Variants in PTCD3 observed in about 807,000 individuals in gnomAD.
The protein encoded by PTCD3 is small ribosomal subunit protein mS39.
A neutral mutation model predicts 101.9 loss-of-function variants in PTCD3; 89 were observed. The ratio of observed to expected loss-of-function variants is 0.87; its 90% CI spans 0.74 to 1.04. PTCD3 has a LOEUF of 1.04. Ranked by LOEUF, PTCD3 falls within the 50% of genes least tolerant of loss-of-function variation. The pLI is 0.00. For synonymous variants in PTCD3, 296 were observed against 278.5 expected (o/e 1.06, Z -0.63); for missense variants, 870 against 828.2 (o/e 1.05, Z -0.62).
At chr2:86,120,683 C>A (rs1263251624) in intron 7 of PTCD3, among the ~76,000 whole-genome samples, 1 of 152,094 alleles carries the variant, frequency 6.6e-6, no homozygotes, top group African/African-American at 2.4e-5. Flanking sequence ...TTGCTTGAGC[C>A]CAGGAGTTCA....
intron 1 of PTCD3, among the ~76,000 whole-genome samples, chr2:86,106,873 C>G (rs912472407): frequency 2.6e-5 from 4 of 152,114 alleles, no homozygotes; most frequent in African/African-American, 9.7e-5. Context: ...TATGACCTAT[C>G]TGTGTAATTT....
intron 4 of PTCD3, among the ~76,000 whole-genome samples, chr2:86,112,892 A>G (rs1674116137): frequency 6.6e-6 from 1 of 152,024 alleles, no homozygotes; most frequent in African/African-American, 2.4e-5. Flanking sequence ...GTTGAAATGT[A>G]TGTTCTTAGG....
chr2:86,129,136 C>T (rs1419448155), intron 14 of PTCD3, among the ~76,000 whole-genome samples: 2 of 152,164 alleles, frequency 1.3e-5, no homozygotes, highest in Non-Finnish European at 2.9e-5. Flanking sequence ...AACAGGTAAA[C>T]AGTTTCCATA....
At chr2:86,124,202 A>G (rs1412102983) in intron 9 of PTCD3, among the ~76,000 whole-genome samples, 1 of 152,222 alleles carries the variant, frequency 6.6e-6, no homozygotes, top group Non-Finnish European at 1.5e-5. Flanking sequence ...GTAATAACTT[A>G]ATTATATTGG....
Position 86,136,540 on chromosome 2 carries a change from A to G in PTCD3, c.1798A>G (p.Arg600Gly). Residue 600 changes from arginine (R) to glycine (G), a missense_variant, in exon 22 of 24, where the codon AGG becomes GGG. Coordinates refer to ENST00000254630, the MANE Select transcript of PTCD3 (RefSeq NM_017952.6). ...QEAWKMLGLF[R>G]KHNKIPRSEL... ...GAGCAGGAAAATGTTGGGGCTTTTC[A>G]GGAAGCATAATAAGATTCCTAGGTA... 6.2e-7 allele frequency: 1 copy of G among 1,612,666 alleles called. No individual in the cohort carries two copies. Among genetic ancestry groups the G allele is most frequent in the Non-Finnish European group, 8.5e-7 (1 of 1,178,652 alleles).
In PTCD3 at chr2:86,127,262, G is replaced by T. The variant is rs139033408; in HGVS notation, c.1053G>T (p.Ser351=). ...GAAGATTTCATGTGTTTGCAAGATC[G>T]CCAGCCTTACAGGTTTTACGTGAAA... ...CLRRFHVFAR[S]PALQVLREMK... The change falls in exon 13 of 24, where the codon TCG becomes TCT. Residue 351 remains serine, a synonymous_variant. Transcript: ENST00000254630. 5.2e-5 allele frequency: 84 copies of T among 1,613,920 alleles called. No homozygotes were observed. In the African/African-American group the frequency reaches 9.5e-4, roughly 18 times the overall value.
chr2:86,115,189 G>A (rs1199686834), intron 4 of PTCD3, among the ~76,000 whole-genome samples: 1 of 152,194 alleles, frequency 6.6e-6, no homozygotes, highest in Admixed American at 6.5e-5. Flanking sequence ...GGCCAGCCTT[G>A]GACGCAGACC....
intron 4 of PTCD3, among the ~76,000 whole-genome samples, chr2:86,114,451 G>C (rs973185254): frequency 6.6e-6 from 1 of 152,040 alleles, no homozygotes; most frequent in South Asian, 2.1e-4. Flanking sequence ...CCCCACGCCC[G>C]GCTAATTTTT....
chr2:86,125,347 GGAGCCTGATCTATT>G (rs1262845637), intron 10 of PTCD3, 94 bp from the exon 11 acceptor site: 1 of 1,236,510 alleles, frequency 8.1e-7, no homozygotes, highest in Non-Finnish European at 1.2e-6. Context: ...CATGAGAACA[GGAGCCTGATCTATT>G]GAGCCTGAGC....
intron 4 of PTCD3, among the ~76,000 whole-genome samples, chr2:86,114,236 A>C (rs772933770): frequency 1.3e-5 from 2 of 152,174 alleles, no homozygotes; most frequent in African/African-American, 2.4e-5. Context: ...CTGAGGTAGC[A>C]CTGAGAAGGG....
rs1405918967 is a variant in PTCD3 at position 86,121,517 on chromosome 2, G to T, written c.577G>T (p.Asp193Tyr). Residue 193 changes from aspartate (D) to tyrosine (Y), a missense_variant, in exon 8 of 24, where the codon GAT becomes TAT. By Grantham distance (160) the Asp-to-Tyr change is radical. Transcript: ENST00000254630. ...TCTTGAAACAACAAATAGTCTCTTGGATTTATTGTGTTACTATGGTGACCA... is the reference window on the plus strand; with the variant it reads ...TCTTGAAACAACAAATAGTCTCTTGTATTTATTGTGTTACTATGGTGACCA... ...VSLETTNSLL[D>Y]LLCYYGDQEP... is the part of the protein sequence containing the mutation. 12 of 1,609,930 alleles carry T rather than the reference G, an allele frequency of 7.5e-6. No individual in the cohort carries two copies. In the Admixed American group the frequency reaches 1.2e-4, roughly 16 times the overall value.
chr2:86,117,158 C>T lies in PTCD3; in HGVS notation c.413C>T (p.Pro138Leu), dbSNP rs113346311. 142 of 1,074,108 alleles carry T rather than the reference C, an allele frequency of 1.3e-4. No homozygotes were observed. The highest frequency in any genetic ancestry group is 1.3e-3 in the African/African-American group (82 of 64,206). The allele number at this position is 1,074,108 out of a possible 1,614,324, so 66.5% of individuals were successfully genotyped here. ...AAGGACATAGCTGAACCTCATATACCGGTAAGGAGAGGTAGTTACATTATT... is the reference window on the plus strand; with the variant it reads ...AAGGACATAGCTGAACCTCATATACTGGTAAGGAGAGGTAGTTACATTATT... ...FQKDIAEPHI[P>L]CLMPEYFEPQ... The change falls in exon 6 of 24, where the codon CCG becomes CTG. Residue 138 changes from proline to leucine, a missense_variant and splice_region_variant. Physicochemically the swap from Pro to Leu is moderately conservative, Grantham distance 98. Transcript: ENST00000254630.
chr2:86,106,269 C>G lies in PTCD3; in HGVS notation c.22C>G (p.Arg8Gly), dbSNP rs367702182. The G allele has an allele frequency of 3.1e-6, 5 of 1,614,014 alleles. No individual in the cohort carries two copies. In the African/African-American group the frequency reaches 4.0e-5, roughly 13 times the overall value. Residue 8 changes from arginine (R) to glycine (G), a missense_variant, in exon 1 of 24, where the codon CGC becomes GGC. Coordinates refer to ENST00000254630, the MANE Select transcript of PTCD3 (RefSeq NM_017952.6). MAVVSAV[R>G]WLGLRSRLGQ... ...AAAGATGGCGGTTGTATCTGCTGTT[C>G]GCTGGCTGGGCCTCCGCAGCAGGCT...
At position 86,133,268 on chromosome 2, in the gene PTCD3, C is replaced by T. The variant is rs551514500; in HGVS notation, c.1452+12C>T. On this transcript the variant is annotated intron_variant, in intron 18 of 23. Coordinates refer to ENST00000254630, the MANE Select transcript of PTCD3 (RefSeq NM_017952.6). ...ACCTGATACCTTCAGTAAGATGGTT[C>T]ATTACTTGTTATTTATCATTCTAGA... 179 of 1,613,958 alleles carry T rather than the reference C, an allele frequency of 1.1e-4. No individual in the cohort carries two copies. The South Asian group carries it at 1.8e-3, about 16-fold the overall frequency.
intron 14 of PTCD3, among the ~76,000 whole-genome samples, chr2:86,128,195 A>T (rs1674430564): frequency 6.6e-6 from 1 of 152,068 alleles, no homozygotes; most frequent in African/African-American, 2.4e-5. Context: ...TCCTGGGCTC[A>T]AACAGTCCTC....
In PTCD3 at chr2:86,117,089, A is replaced by G; in HGVS notation, c.344A>G (p.Asn115Ser). 1 of 1,469,330 alleles carries G rather than the reference A, an allele frequency of 6.8e-7. No homozygotes were observed. Among genetic ancestry groups the G allele is most frequent in the Non-Finnish European group, 9.5e-7 (1 of 1,048,418 alleles). The allele number at this position is 1,469,330 out of a possible 1,614,324, so 91.0% of individuals were successfully genotyped here. The change falls in exon 6 of 24, where the codon AAT (asparagine) becomes AGT (serine). Residue 115 changes from asparagine (N) to serine (S), a missense_variant. By Grantham distance (46) the Asn-to-Ser change is conservative (BLOSUM62 1). Coordinates refer to ENST00000254630, the MANE Select transcript of PTCD3 (RefSeq NM_017952.6). ...SFLLAKKSGE[N>S]VAKFIINSYP... is the part of the protein sequence containing the mutation. The stretch of plus-strand genomic sequence containing the variant: ...TTACTGGCAAAGAAATCCGGGGAGA[A>G]TGTGGCCAAGTTTATTATTAATTCA...
In PTCD3 at chr2:86,125,899, TTTA is replaced by T; in HGVS notation, c.951+22_951+24del. 6.6e-7 allele frequency: 1 copy of T among 1,522,336 alleles called. No individual in the cohort carries two copies. The highest frequency in any genetic ancestry group is 9.1e-7 in the Non-Finnish European group (1 of 1,099,178). The allele number at this position is 1,522,336 out of a possible 1,614,324, so 94.3% of individuals were successfully genotyped here. On this transcript the variant is annotated intron_variant, in intron 12 of 23. Transcript: ENST00000254630. The stretch of plus-strand genomic sequence containing the variant: ...AATACTGGTAAGGAGGAATCCTCAG[TTTA>T]TTTTTTAATAGGGCTTAAATACTCT...
intron 15 of PTCD3, 94 bp downstream of exon 15, chr2:86,130,831 A>T (rs1051887702): frequency 8.0e-6 from 12 of 1,492,596 alleles, no homozygotes; most frequent in Non-Finnish European, 1.1e-5. Context: ...CCTATAGCTT[A>T]GAAGTATTTT....
At position 86,106,324 on chromosome 2, in the gene PTCD3, G is replaced by A; in HGVS notation, c.77G>A (p.Gly26Asp). ...CAGCCGCTGACGGGTCGGCGGGCGG[G>A]TTTGTGTGAACAGGCACGCAGCTGC... Reference protein sequence around the residue: ...LGQPLTGRRAGLCEQARSCRF... With the variant: ...LGQPLTGRRADLCEQARSCRF... The change falls in exon 1 of 24, where the codon GGT becomes GAT. Residue 26 changes from glycine to aspartate, a missense_variant. By Grantham distance (94) the Gly-to-Asp change is moderately conservative. Transcript: ENST00000254630. 1 of 1,614,056 alleles carries A rather than the reference G, an allele frequency of 6.2e-7. No homozygotes were observed. The highest frequency in any genetic ancestry group is 8.5e-7 in the Non-Finnish European group (1 of 1,179,998).
Sources: allele counts gnomAD v4.1 joint callset (sites outside exome capture counted in the v4.1 genomes callset), GRCh38; gene constraint gnomAD v4.1.1; transcripts MANE v1.5; gene names NCBI Gene and HGNC (gene_info 2026-07-23, HGNC 2026-07-21).